Variants in AUH observed in about 807,000 individuals in gnomAD.
AUH encodes the protein methylglutaconyl-CoA hydratase, mitochondrial.
In AUH, 29 loss-of-function variants were observed where a neutral mutation model predicts 42.3. That is an observed-to-expected ratio of 0.69 (90% CI 0.51 to 0.93). AUH has a LOEUF of 0.93. Among genes scored for constraint, AUH ranks in the 40% least tolerant of loss-of-function variants. The probability of loss-of-function intolerance (pLI) is 0.00; values close to 1 mark genes in which losing one functional copy is unlikely to be tolerated. For missense variants in AUH, 452 were observed against 438.1 expected (o/e 1.03, Z -0.28); for synonymous variants, 174 against 166.4 (o/e 1.05, Z -0.35).
At chr9:91,265,153 C>T (rs1829902921) in intron 6 of AUH, among the ~76,000 whole-genome samples, 1 of 152,142 alleles carries the variant, frequency 6.6e-6, no homozygotes, top group Non-Finnish European at 1.5e-5. Flanking sequence ...TGTGTCTTTT[C>T]CATCTCTGGG....
intron 6 of AUH, among the ~76,000 whole-genome samples, chr9:91,247,372 T>C (rs183086449): frequency 2.6e-5 from 4 of 152,108 alleles, no homozygotes; most frequent in African/African-American, 9.7e-5. Context: ...CACACTCTTA[T>C]GCAGATCATC....
At chr9:91,306,244 C>T (rs76999344) in intron 4 of AUH, 29,498 of 591,338 alleles carry the variant, frequency 0.05, 889 homozygotes, top group Middle Eastern at 0.062. Flanking sequence ...AATCAAAAAA[C>T]CCTCCCTAAG....
intron 3 of AUH, among the ~76,000 whole-genome samples, chr9:91,331,030 A>AT (rs924364099): frequency 2.6e-5 from 4 of 151,928 alleles, no homozygotes; most frequent in African/African-American, 9.7e-5. Context: ...TTCAGTTAAA[A>AT]TTTTTTTTAA....
intron 3 of AUH, among the ~76,000 whole-genome samples, chr9:91,342,319 C>A (rs1303011814): frequency 1.3e-5 from 2 of 152,126 alleles, no homozygotes; most frequent in African/African-American, 2.4e-5. Flanking sequence ...TTGTATGAAC[C>A]CTTGTCTTTA....
chr9:91,356,315 T>A (rs1395785140), intron 1 of AUH, among the ~76,000 whole-genome samples, 160 bp from the exon 2 acceptor site: 1 of 152,292 alleles, frequency 6.6e-6, no homozygotes, highest in South Asian at 2.1e-4. Context: ...CCAAGATAAT[T>A]TGCAACATTT....
intron 6 of AUH, among the ~76,000 whole-genome samples, chr9:91,264,131 T>C (rs1399499017): frequency 6.6e-6 from 1 of 152,148 alleles, no homozygotes; most frequent in Non-Finnish European, 1.5e-5. Context: ...CACACATATA[T>C]GTGTTATATG....
At chr9:91,233,912 T>G (rs1378640680) in intron 6 of AUH, among the ~76,000 whole-genome samples, 1 of 152,226 alleles carries the variant, frequency 6.6e-6, no homozygotes, top group East Asian at 1.9e-4. Context: ...TTGTCAGGGT[T>G]ATTTTTAACA....
At chr9:91,348,051 A>C (rs1831665813) in intron 3 of AUH, among the ~76,000 whole-genome samples, 1 of 151,942 alleles carries the variant, frequency 6.6e-6, no homozygotes, top group African/African-American at 2.4e-5. Flanking sequence ...ATAACAGATA[A>C]AAGTCTTGTA....
At chr9:91,339,813 C>G (rs1830968982) in intron 3 of AUH, among the ~76,000 whole-genome samples, 1 of 152,180 alleles carries the variant, frequency 6.6e-6, no homozygotes, top group African/African-American at 2.4e-5. Flanking sequence ...AGACTACCAT[C>G]TGGGATCCTG....
At chr9:91,313,630 G>A (rs955301395) in intron 4 of AUH, among the ~76,000 whole-genome samples, 16 of 151,220 alleles carry the variant, frequency 1.1e-4, no homozygotes, top group African/African-American at 2.9e-4. Context: ...GCGTGAACCC[G>A]GGAGGCGGAG....
chr9:91,341,729 C>A (rs1190406630), intron 3 of AUH, among the ~76,000 whole-genome samples: 1 of 152,144 alleles, frequency 6.6e-6, no homozygotes, highest in East Asian at 1.9e-4. Flanking sequence ...CTAATGCCAA[C>A]GAAAGGAGCT....
chr9:91,361,660 A>C lies in AUH; in HGVS notation c.230T>G (p.Leu77Arg). Residue 77 changes from leucine (L) to arginine (R), a missense_variant, in exon 1 of 10, where the codon CTG becomes CGG. By Grantham distance (102) the Leu-to-Arg change is moderately radical. Transcript: ENST00000375731. ...CTCCTCCTCCAGGTGCCGCACCCGC[A>C]GCTCGTCCTCCGTCTTCATCTCAGA... ...YSSEMKTEDELRVRHLEEENR... is the reference protein window; with the variant it reads ...YSSEMKTEDERRVRHLEEENR... The C allele has an allele frequency of 6.3e-7, 1 of 1,582,984 alleles. No homozygotes were observed. Among genetic ancestry groups the C allele is most frequent in the Non-Finnish European group, 8.6e-7 (1 of 1,164,902 alleles).
At chr9:91,221,082 A>G in intron 6 of AUH, 90 bp from the exon 7 acceptor site, 1 of 1,426,622 alleles carries the variant, frequency 7.0e-7, no homozygotes, top group East Asian at 2.3e-5. Context: ...ATAAAAATAA[A>G]CCAGGGCCAG....
chr9:91,247,034 T>C (rs796891304), intron 6 of AUH, among the ~76,000 whole-genome samples: 9 of 152,284 alleles, frequency 5.9e-5, no homozygotes, highest in African/African-American at 2.2e-4. Context: ...CTGCCTCCTT[T>C]CCCCGACAAT....
At chr9:91,306,765 C>T (rs995851944) in intron 4 of AUH, among the ~76,000 whole-genome samples, 5 of 152,192 alleles carry the variant, frequency 3.3e-5, no homozygotes, top group African/African-American at 1.2e-4. Flanking sequence ...GGATAATATG[C>T]TGATCCACTA....
chr9:91,247,348 G>A (rs879501936), intron 6 of AUH, among the ~76,000 whole-genome samples: 6 of 151,758 alleles, frequency 4.0e-5, no homozygotes, highest in Non-Finnish European at 7.4e-5. Context: ...TCCCTGCCTC[G>A]CCCCTCAGTC....
chr9:91,281,965 C>G (rs1231595080), intron 6 of AUH, among the ~76,000 whole-genome samples: 1 of 152,148 alleles, frequency 6.6e-6, no homozygotes, highest in East Asian at 1.9e-4. Context: ...TGTCACAGCA[C>G]GTCACACCTC....
intron 6 of AUH, among the ~76,000 whole-genome samples, chr9:91,283,882 C>T (rs537312970): frequency 4.6e-5 from 7 of 152,088 alleles, no homozygotes; most frequent in African/African-American, 1.4e-4. Context: ...AATGGCCATA[C>T]TGCCCAAGGT....
rs889984098 is a variant in AUH, at chr9:91,292,492, T to C, written c.655+3529A>G. On this transcript the variant is annotated intron_variant, in intron 6 of 9. Coordinates refer to ENST00000375731, the MANE Select transcript of AUH (RefSeq NM_001698.3). ...CGGGGTTTCACCAGGTTGGCCAGGC[T>C]GGTCTCAAACTCCTGACCTCAAGTG... Among the ~76,000 whole-genome samples, 29 of 152,036 alleles carry C rather than the reference T, an allele frequency of 1.9e-4. 1 individual carries two copies. The highest frequency in any genetic ancestry group is 1.2e-4 in the Non-Finnish European group (8 of 67,990).
Sources: allele counts gnomAD v4.1 joint callset (sites outside exome capture counted in the v4.1 genomes callset), GRCh38; gene constraint gnomAD v4.1.1; transcripts MANE v1.5; gene names NCBI Gene and HGNC (gene_info 2026-07-23, HGNC 2026-07-21).